Variants in DLG2 observed in about 807,000 individuals in gnomAD.
DLG2 encodes the protein discs large MAGUK scaffold protein 2.
Under a neutral mutation model 132.5 loss-of-function variants are expected in DLG2, and 45 were observed. The observed-to-expected ratio is 0.34, with a 90% confidence interval of 0.27 to 0.44. The LOEUF is 0.44. Among genes scored for constraint, DLG2 ranks in the 20% least tolerant of loss-of-function variants. DLG2 has a pLI of 1.00. For synonymous variants in DLG2, 424 were observed against 419.6 expected, an observed-to-expected ratio of 1.01 and a Z score of -0.13; for missense variants, 1,045 against 1,196.9, an observed-to-expected ratio of 0.87 and a Z score of 1.87.
chr11:84,944,183 T>C (rs772419853), intron 6 of DLG2, among the ~76,000 whole-genome samples: 12 of 152,162 alleles, frequency 7.9e-5, no homozygotes, highest in Non-Finnish European at 1.6e-4. Flanking sequence ...TTTGGGAGTT[T>C]GATTATTAAA....
intron 3 of DLG2, among the ~76,000 whole-genome samples, chr11:85,560,543 A>T (rs1345795529): frequency 6.6e-6 from 1 of 151,802 alleles, no homozygotes; most frequent in Non-Finnish European, 1.5e-5. Flanking sequence ...AAATTTATAC[A>T]AACAGAAAGT....
chr11:83,852,036 G>C (rs939068195), intron 16 of DLG2, among the ~76,000 whole-genome samples: 2 of 152,180 alleles, frequency 1.3e-5, no homozygotes, highest in African/African-American at 4.8e-5. Context: ...AACACTCGAG[G>C]TTGCTGGTAA....
chr11:83,863,950 T>G (rs1375112472), intron 16 of DLG2, among the ~76,000 whole-genome samples: 2 of 152,162 alleles, frequency 1.3e-5, no homozygotes, highest in African/African-American at 4.8e-5. Context: ...GATATTGAAA[T>G]GCAATTTCCC....
intron 8 of DLG2, among the ~76,000 whole-genome samples, chr11:84,194,438 G>C (rs558562405): frequency 4.6e-5 from 7 of 152,248 alleles, no homozygotes; most frequent in African/African-American, 1.7e-4. Flanking sequence ...AGGTGGCACA[G>C]ACCCAAAGAG....
intron 6 of DLG2, among the ~76,000 whole-genome samples, chr11:85,038,925 C>T (rs2061625552): frequency 6.6e-6 from 1 of 151,848 alleles, no homozygotes; most frequent in Non-Finnish European, 1.5e-5. Context: ...TCTCAGTATA[C>T]CTGGAACTCC....
intron 20 of DLG2, 82 bp from the exon 21 acceptor site, chr11:83,532,865 TC>T (rs1242017246): frequency 1.7e-5 from 20 of 1,145,592 alleles, no homozygotes; most frequent in Non-Finnish European, 2.6e-5. Flanking sequence ...GAACATTTTT[TC>T]CTCCTATCCT....
chr11:83,687,231 C>T (rs923154900), intron 18 of DLG2, among the ~76,000 whole-genome samples: 42 of 152,172 alleles, frequency 2.8e-4, no homozygotes, highest in African/African-American at 7.7e-4. Context: ...ACCCAGTTTA[C>T]GGTACTTTGT....
intron 3 of DLG2, among the ~76,000 whole-genome samples, chr11:85,346,579 G>A (rs530050855): frequency 2.4e-4 from 37 of 152,064 alleles, no homozygotes; most frequent in Non-Finnish European, 5.0e-4. Flanking sequence ...ATCAGAATAC[G>A]TAGACACTCC....
chr11:83,686,000 C>A (rs1286965666), intron 18 of DLG2, among the ~76,000 whole-genome samples: 2 of 151,978 alleles, frequency 1.3e-5, no homozygotes, highest in Non-Finnish European at 2.9e-5. Context: ...TCAAAATGTA[C>A]CCTCTGTCTT....
intron 3 of DLG2, among the ~76,000 whole-genome samples, chr11:85,483,786 A>C (rs1441046775): frequency 1.3e-5 from 2 of 151,908 alleles, no homozygotes; most frequent in African/African-American, 4.8e-5. Context: ...TCTACTAAAA[A>C]TACAAAAATT....
intron 7 of DLG2, among the ~76,000 whole-genome samples, chr11:84,253,241 T>G (rs1199100036): frequency 6.6e-6 from 1 of 152,124 alleles, no homozygotes; most frequent in Non-Finnish European, 1.5e-5. Context: ...AGACATGGGC[T>G]CAAGGTTGGT....
intron 4 of DLG2, among the ~76,000 whole-genome samples, chr11:85,268,697 C>T (rs925593717): frequency 6.6e-6 from 1 of 152,172 alleles, no homozygotes; most frequent in Non-Finnish European, 1.5e-5. Flanking sequence ...TCAGGTAGCA[C>T]ATTACAAGGA....
chr11:84,705,159 GACTT>G (rs1555175745), intron 6 of DLG2, among the ~76,000 whole-genome samples: 4 of 151,626 alleles, frequency 2.6e-5, no homozygotes, highest in Non-Finnish European at 5.9e-5. Flanking sequence ...GAAAATAAAT[GACTT>G]ACTTCAGAAA....
intron 9 of DLG2, among the ~76,000 whole-genome samples, chr11:84,145,513 T>C (rs1566694187): frequency 1.3e-5 from 2 of 152,208 alleles, no homozygotes; most frequent in Non-Finnish European, 2.9e-5. Context: ...CACTGTTGTA[T>C]AGGCAGTTTG....
intron 9 of DLG2, among the ~76,000 whole-genome samples, chr11:84,148,482 G>T (rs2095171522): frequency 6.6e-6 from 1 of 152,030 alleles, no homozygotes; most frequent in Non-Finnish European, 1.5e-5. Context: ...ACAGTATTTG[G>T]CTTTCTGTTT....
chr11:84,726,492 C>T (rs1382157144), intron 6 of DLG2, among the ~76,000 whole-genome samples: 5 of 152,080 alleles, frequency 3.3e-5, no homozygotes, highest in Non-Finnish European at 7.4e-5. Flanking sequence ...ATGTGCCACA[C>T]TTTCTTTATC....
intron 6 of DLG2, among the ~76,000 whole-genome samples, chr11:84,714,603 C>G (rs1293373628): frequency 2.4e-5 from 3 of 125,504 alleles, no homozygotes; most frequent in African/African-American, 7.9e-5. Flanking sequence ...CTTTCTTTCT[C>G]TTTCTCTTTC....
At chr11:85,052,804 G>A (rs927533770) in intron 6 of DLG2, among the ~76,000 whole-genome samples, 44 of 152,148 alleles carry the variant, frequency 2.9e-4, no homozygotes, top group Admixed American at 8.5e-4. Context: ...AGCATCCTTA[G>A]AAATGCACTT....
intron 3 of DLG2, among the ~76,000 whole-genome samples, chr11:85,302,613 G>A (rs1238846482): frequency 6.7e-6 from 1 of 149,594 alleles, no homozygotes; most frequent in Non-Finnish European, 1.5e-5. Context: ...GTGGTGATAG[G>A]CTAATCCAAT....
Sources: allele counts gnomAD v4.1 joint callset (sites outside exome capture counted in the v4.1 genomes callset), GRCh38; gene constraint gnomAD v4.1.1; transcripts MANE v1.5; gene names NCBI Gene and HGNC (gene_info 2026-07-23, HGNC 2026-07-21).